The following INIP variants were observed in gnomAD, a reference collection of about 807,000 sequenced individuals.
INIP encodes the protein SOSS complex subunit C.
Under a neutral mutation model 14.0 loss-of-function variants are expected in INIP, and 9 were observed. The observed-to-expected ratio is 0.64, with a 90% CI of 0.39 to 1.12. INIP has a LOEUF of 1.12. INIP is among the 50% of genes most tolerant of loss of function. INIP has a pLI of 0.01. For missense variants in INIP, 78 were observed against 122.7 expected (o/e 0.64, Z 1.72); for synonymous variants, 37 against 41.5 (o/e 0.89, Z 0.41).
chr9:112,716,962 CAAAAA>C (rs553313367), intron 1 of INIP, among the ~76,000 whole-genome samples: 1 of 78,070 alleles, frequency 1.3e-5, no homozygotes, highest in Middle Eastern at 7.9e-3. Context: ...GACTCGGTCT[CAAAAA>C]AAAAAAAAAA....
intron 2 of INIP, among the ~76,000 whole-genome samples, chr9:112,697,466 C>T (rs936818641): frequency 1.3e-5 from 2 of 152,184 alleles, no homozygotes; most frequent in Non-Finnish European, 2.9e-5. Context: ...TGCCTGTAGG[C>T]TAGCTACTTG....
At chr9:112,707,837 A>G (rs985409050) in intron 2 of INIP, among the ~76,000 whole-genome samples, 3 of 152,202 alleles carry the variant, frequency 2.0e-5, no homozygotes, top group Non-Finnish European at 2.9e-5. Context: ...TAGTTGAGAC[A>G]CCTATGTTTA....
At chr9:112,712,930 C>T (rs758989906) in intron 2 of INIP, among the ~76,000 whole-genome samples, 1 of 152,146 alleles carries the variant, frequency 6.6e-6, no homozygotes, top group Non-Finnish European at 1.5e-5. Flanking sequence ...AGTCAGACCA[C>T]TGAAATACAA....
chr9:112,703,575 A>G (rs1392941600), intron 2 of INIP, among the ~76,000 whole-genome samples: 1 of 152,140 alleles, frequency 6.6e-6, no homozygotes, highest in Non-Finnish European at 1.5e-5. Flanking sequence ...ACAAAACAAC[A>G]ACAACAAGGG....
intron 2 of INIP, among the ~76,000 whole-genome samples, chr9:112,696,062 A>G (rs1286066122): frequency 6.8e-6 from 1 of 146,020 alleles, no homozygotes; most frequent in Non-Finnish European, 1.5e-5. Context: ...TAATTTTTGT[A>G]TTTTTTTTTT....
chr9:112,693,696 A>ATAGATT lies in INIP; in HGVS notation c.128+429_128+434dup, dbSNP rs1486069407. Among the ~76,000 whole-genome samples the ATAGATT allele has an allele frequency of 5.9e-5, 9 of 152,338 alleles. No homozygotes were observed. The East Asian group carries it at 1.7e-3, about 29-fold the overall frequency. On this transcript the variant is annotated intron_variant, in intron 3 of 4. Coordinates refer to ENST00000374242, the MANE Select transcript of INIP (RefSeq NM_021218.3). ...CCCCTATACAAAGAAAACACAATGA[A>ATAGATT]TAGATTGCAGTGTTAAAGAAAAAAA...
rs77919886 is a variant in INIP at position 112,700,812 on chromosome 9, G to A, written c.26-6579C>T. Among the ~76,000 whole-genome samples, 243 of 151,802 alleles carry A rather than the reference G, an allele frequency of 1.6e-3. 6 individuals carry two copies. In the East Asian group the frequency reaches 0.043, roughly 27 times the overall value. ...GTATAGTAACCTCCCTGTTTCCATG[G>A]AAATCAAAGGTGGAAATCTGTAACT... is the stretch of plus-strand genomic sequence containing the variant. On this transcript the variant is annotated intron_variant, in intron 2 of 4. Coordinates refer to ENST00000374242, the MANE Select transcript of INIP (RefSeq NM_021218.3).
At chr9:112,691,120 A>G (rs1209405887) in intron 3 of INIP, among the ~76,000 whole-genome samples, 1 of 152,236 alleles carries the variant, frequency 6.6e-6, no homozygotes, top group African/African-American at 2.4e-5. Flanking sequence ...AGACCACAGG[A>G]ACTCTGAAGC....
At chr9:112,717,225 A>G (rs1838852902) in intron 1 of INIP, among the ~76,000 whole-genome samples, 1 of 152,216 alleles carries the variant, frequency 6.6e-6, no homozygotes, top group South Asian at 2.1e-4. Flanking sequence ...GCATTCGTCT[A>G]AAACACATAC....
intron 2 of INIP, among the ~76,000 whole-genome samples, chr9:112,707,782 A>G (rs558657413): frequency 2.0e-5 from 3 of 152,348 alleles, no homozygotes; most frequent in African/African-American, 7.2e-5. Context: ...TGGTTATCCT[A>G]CAAGCTATAT....
In INIP at chr9:112,684,823, C is replaced by G. The variant is rs1284499100; in HGVS notation, c.*2715G>C. Reference sequence around the variant, plus strand: ...CTCACCTTATGGAGGGAGGAACATACAAAGATATTAACTGAGTTCCTCAAA... The same window carrying G: ...CTCACCTTATGGAGGGAGGAACATAGAAAGATATTAACTGAGTTCCTCAAA... On this transcript the variant is annotated 3_prime_UTR_variant, in exon 5 of 5. Transcript: ENST00000374242. 6.6e-6 allele frequency: 1 copy of G among 152,134 alleles called. No homozygotes were observed. The highest frequency in any genetic ancestry group is 1.5e-5 in the Non-Finnish European group (1 of 68,018). 9.4% of individuals were successfully genotyped at this position (152,134 alleles called of 1,614,324 possible).
At chr9:112,702,294 C>A (rs1238109480) in intron 2 of INIP, among the ~76,000 whole-genome samples, 1 of 151,980 alleles carries the variant, frequency 6.6e-6, no homozygotes, top group Non-Finnish European at 1.5e-5. Context: ...TGAAGTACAG[C>A]CAACAATGGA....
rs1337957308 is a variant in INIP, at chr9:112,687,473, C to A, written c.*65G>T. On this transcript the variant is annotated 3_prime_UTR_variant, in exon 5 of 5. Transcript: ENST00000374242. ...ATTCTTAAAGTCACAGTTCATGTAG[C>A]ACTGAATGATAGTAGCTTTGGCATT... is the stretch of plus-strand genomic sequence containing the variant. The A allele has an allele frequency of 1.0e-6, 1 of 977,026 alleles. No homozygotes were observed. The highest frequency in any genetic ancestry group is 2.4e-5 in the East Asian group (1 of 41,354). The allele number at this position is 977,026 out of a possible 1,614,324, so 60.5% of individuals were successfully genotyped here.
intron 2 of INIP, among the ~76,000 whole-genome samples, chr9:112,711,629 G>C (rs932898998): frequency 1.3e-5 from 2 of 151,750 alleles, no homozygotes; most frequent in Admixed American, 6.6e-5. Flanking sequence ...TTTTAATATG[G>C]GCCCTTATAA....
intron 2 of INIP, among the ~76,000 whole-genome samples, chr9:112,705,250 C>A (rs958372442): frequency 1.1e-4 from 17 of 151,402 alleles, no homozygotes; most frequent in African/African-American, 3.4e-4. Context: ...ATAATTGTAA[C>A]TTAAACTGGT....
At chr9:112,697,008 G>T (rs1838118718) in intron 2 of INIP, among the ~76,000 whole-genome samples, 1 of 152,120 alleles carries the variant, frequency 6.6e-6, no homozygotes. Context: ...GGCCATTTGT[G>T]ATCAGCTCCA....
intron 2 of INIP, among the ~76,000 whole-genome samples, chr9:112,695,284 G>A (rs1486422640): frequency 2.0e-5 from 3 of 148,716 alleles, no homozygotes; most frequent in South Asian, 2.1e-4. Flanking sequence ...AGATAAGGAC[G>A]ATGATGGCTC....
In INIP at chr9:112,694,209, G is replaced by A; in HGVS notation, c.50C>T (p.Ala17Val). 1 of 1,609,000 alleles carries A rather than the reference G, an allele frequency of 6.2e-7. No individual in the cohort carries two copies. Among genetic ancestry groups the A allele is most frequent in the Non-Finnish European group, 8.5e-7 (1 of 1,177,458 alleles). ...CTCTTTGTCCAGTTCTGCCAAGATT[G>A]CAACTCTATTTTTGTTTTGAAAACC... ...GQGFQNKNRV[A>V]ILAELDKEKR... is the part of the protein sequence containing the mutation. Residue 17 changes from alanine to valine, a missense_variant, in exon 3 of 5, where the codon GCA (alanine) becomes GTA (valine). Ala to Val is a moderately conservative substitution (Grantham distance 64, BLOSUM62 0). Transcript: ENST00000374242.
intron 2 of INIP, among the ~76,000 whole-genome samples, chr9:112,710,623 C>A (rs900009655): frequency 6.6e-6 from 1 of 152,096 alleles, no homozygotes; most frequent in African/African-American, 2.4e-5. Context: ...TTTAGCAGTC[C>A]TGATTACTAT....
Sources: allele counts gnomAD v4.1 joint callset (sites outside exome capture counted in the v4.1 genomes callset), GRCh38; gene constraint gnomAD v4.1.1; transcripts MANE v1.5; gene names NCBI Gene and HGNC (gene_info 2026-07-23, HGNC 2026-07-21).